Variants in STRA6 observed in about 807,000 individuals in gnomAD.
STRA6 encodes receptor for retinol uptake STRA6.
In STRA6, 48 loss-of-function variants were observed where a neutral mutation model predicts 83.6. The observed-to-expected ratio is 0.57, with a 90% CI of 0.46 to 0.73. STRA6 has a LOEUF of 0.73. Among genes scored for constraint, STRA6 ranks in the 30% least tolerant of loss-of-function variants. The pLI is 0.00. For missense variants in STRA6, 760 were observed against 838.8 expected, an observed-to-expected ratio of 0.91 and a Z score of 1.16; for synonymous variants, 353 against 362.3, an observed-to-expected ratio of 0.97 and a Z score of 0.29.
upstream of STRA6, among the ~76,000 whole-genome samples, chr15:74,205,789 T>C (rs2074247483): frequency 6.6e-6 from 1 of 151,962 alleles, no homozygotes; most frequent in Non-Finnish European, 1.5e-5. Flanking sequence ...ACCACCTCCC[T>C]CCTCATGGGA....
Position 74,179,919 on chromosome 15 carries a change from G to C in STRA6, c.*161C>G, listed in dbSNP as rs568954752. The stretch of plus-strand genomic sequence containing the variant: ...AGTGGGTGGAGCAGAGCCCTCCTGA[G>C]GCTCCCAGTGCAGACAGACCTCCAC... On this transcript the variant is annotated 3_prime_UTR_variant, in exon 19 of 19. Coordinates refer to ENST00000395105, the MANE Select transcript of STRA6 (RefSeq NM_022369.4). The C allele has an allele frequency of 2.1e-6, 2 of 948,198 alleles. No homozygotes were observed. The highest frequency in any genetic ancestry group is 3.2e-5 in the South Asian group (2 of 62,238). 58.7% of individuals were successfully genotyped at this position (948,198 alleles called of 1,614,324 possible).
intron 6 of STRA6, 85 bp from the exon 7 acceptor site, chr15:74,195,553 C>T (rs773209873): frequency 1.1e-5 from 18 of 1,579,154 alleles, no homozygotes; most frequent in Non-Finnish European, 1.5e-5. Flanking sequence ...TCTCTTCGGT[C>T]TCCAGCTTCC....
chr15:74,200,168 C>T (rs996464053), intron 2 of STRA6, among the ~76,000 whole-genome samples: 10 of 152,176 alleles, frequency 6.6e-5, no homozygotes, highest in African/African-American at 2.4e-4. Flanking sequence ...TGCAGTGAGC[C>T]AAGATCGCAC....
chr15:74,195,035 C>T, intron 7 of STRA6: 1 of 1,435,870 alleles, frequency 7.0e-7, no homozygotes, highest in Non-Finnish European at 9.1e-7. Flanking sequence ...TTCAGGCTTT[C>T]TCTTCCCCCT....
chr15:74,181,006 T>TAACA (rs1182801322), intron 17 of STRA6, 69 bp from the exon 18 acceptor site: 1 of 1,595,786 alleles, frequency 6.3e-7, no homozygotes, highest in Non-Finnish European at 8.6e-7. Context: ...AGACATCCCC[T>TAACA]AACACACACA....
At chr15:74,181,204 G>T (rs1243261888) in intron 17 of STRA6, 91 bp downstream of exon 17, 2 of 1,559,164 alleles carry the variant, frequency 1.3e-6, no homozygotes, top group African/African-American at 2.7e-5. Flanking sequence ...GGTGTGAACT[G>T]ATCAGCTGGC....
At chr15:74,204,385 T>C (rs561285729), upstream of STRA6, among the ~76,000 whole-genome samples, 1 of 152,346 alleles carries the variant, frequency 6.6e-6, no homozygotes, top group South Asian at 2.1e-4. Context: ...CAGTATTCAT[T>C]TGTGGGCCTG....
intron 1 of STRA6, chr15:74,202,508 C>T (rs932160506): frequency 4.6e-6 from 7 of 1,526,930 alleles, no homozygotes; most frequent in Non-Finnish European, 6.1e-6. Flanking sequence ...CCCCTCCTCC[C>T]TTCCCGCCCA....
At position 74,184,996 on chromosome 15, in the gene STRA6, A is replaced by T; in HGVS notation, c.1150T>A (p.Ser384Thr). 13 of 1,613,910 alleles carry T rather than the reference A, an allele frequency of 8.1e-6. No homozygotes were observed. Among genetic ancestry groups the T allele is most frequent in the Non-Finnish European group, 1.0e-5 (12 of 1,179,914 alleles). ...GTCACTCACCTGTGTGTCACCAGTG[A>T]GCGCATCAGGACCAGGAAGGTGAGT... ...CLLTFLVLMR[S>T]LVTHRTNLRA... The change falls in exon 13 of 19, where the codon TCA (serine) becomes ACA (threonine). Residue 384 changes from serine to threonine, a missense_variant. Ser to Thr is a moderately conservative substitution (Grantham distance 58). Coordinates refer to ENST00000395105, the MANE Select transcript of STRA6 (RefSeq NM_022369.4).
chr15:74,204,433 G>C (rs532586863), upstream of STRA6, among the ~76,000 whole-genome samples: 5 of 152,360 alleles, frequency 3.3e-5, no homozygotes, highest in Admixed American at 2.6e-4. Flanking sequence ...AGGTTCACCA[G>C]CTGGGCTTCC....
At chr15:74,208,116 G>C (rs1273697920) in intron 1 of STRA6, 5 of 1,093,058 alleles carry the variant, frequency 4.6e-6, no homozygotes, top group Non-Finnish European at 5.7e-6. Flanking sequence ...GAGGAGGGTA[G>C]CCGGCTGTGC....
upstream of STRA6, among the ~76,000 whole-genome samples, chr15:74,203,847 C>T (rs143819422): frequency 1.3e-5 from 2 of 150,872 alleles, no homozygotes; most frequent in East Asian, 2.0e-4. Context: ...AGAACCTTTC[C>T]GTGGTGATCT....
intron 2 of STRA6, among the ~76,000 whole-genome samples, chr15:74,201,749 C>T (rs1015315033): frequency 1.9e-4 from 29 of 152,178 alleles, no homozygotes; most frequent in African/African-American, 5.8e-4. Context: ...CTTGGAAACA[C>T]CACACCCAAA....
In STRA6 at chr15:74,181,419, G is replaced by C; in HGVS notation, c.1560C>G (p.Leu520=). 4 of 1,613,594 alleles carry C rather than the reference G, an allele frequency of 2.5e-6. No homozygotes were observed. The South Asian group carries it at 3.3e-5, about 13-fold the overall frequency. ...CCACCATGGCACCCACCAGCACATT[G>C]AGGGGGAAGAGAAGAAAGGTGGCTG... ...LYAATFLLFP[L]NVLVGAMVAT... is the part of the protein sequence containing the mutation. The change falls in exon 17 of 19, where the codon CTC becomes CTG. Residue 520 remains leucine (L), a synonymous_variant. Coordinates refer to ENST00000395105, the MANE Select transcript of STRA6 (RefSeq NM_022369.4).
intron 17 of STRA6, 151 bp from the exon 18 acceptor site, chr15:74,181,088 G>A: frequency 7.4e-7 from 1 of 1,356,860 alleles, no homozygotes; most frequent in Non-Finnish European, 1.0e-6. Flanking sequence ...TGGCTGCATG[G>A]GCACGTGTGG....
At chr15:74,186,350 T>C (rs2073245255) in intron 12 of STRA6, among the ~76,000 whole-genome samples, 1 of 152,238 alleles carries the variant, frequency 6.6e-6, no homozygotes, top group African/African-American at 2.4e-5. Context: ...TCACTGGGAC[T>C]GTGATCCCAA....
upstream of STRA6, among the ~76,000 whole-genome samples, chr15:74,206,300 C>T (rs970931275): frequency 2.0e-5 from 3 of 152,190 alleles, no homozygotes; most frequent in African/African-American, 4.8e-5. Flanking sequence ...CGGGTGGCCG[C>T]GTGGCTCAAG....
At chr15:74,204,251 C>T (rs1221537344), upstream of STRA6, among the ~76,000 whole-genome samples, 1 of 152,228 alleles carries the variant, frequency 6.6e-6, no homozygotes, top group Non-Finnish European at 1.5e-5. Context: ...TGTGAGCTCC[C>T]GGAGGGCGGG....
intron 12 of STRA6, among the ~76,000 whole-genome samples, chr15:74,187,112 G>A (rs559106853): frequency 6.6e-6 from 1 of 152,356 alleles, no homozygotes; most frequent in African/African-American, 2.4e-5. Flanking sequence ...GCTGCCAGGA[G>A]GTGAACAGCC....
Sources: allele counts gnomAD v4.1 joint callset (sites outside exome capture counted in the v4.1 genomes callset), GRCh38; gene constraint gnomAD v4.1.1; transcripts MANE v1.5; gene names NCBI Gene and HGNC (gene_info 2026-07-23, HGNC 2026-07-21).